HDAC9: variants seen among roughly 807,000 people sequenced by gnomAD.
HDAC9 encodes the protein histone deacetylase 9, also known as MEF-2 interacting transcription repressor (MITR) protein.
In HDAC9, 41 loss-of-function variants were observed where a neutral mutation model predicts 139.4. The ratio of observed to expected loss-of-function variants is 0.29; its 90% CI spans 0.23 to 0.38. The LOEUF (loss-of-function observed/expected upper bound fraction) is 0.38. Ranked by LOEUF, HDAC9 falls within the 10% of genes least tolerant of loss-of-function variation. The probability of loss-of-function intolerance (pLI) is 1.00; values close to 1 mark genes in which losing one functional copy is unlikely to be tolerated. For synonymous variants in HDAC9, 517 were observed against 476.2 expected, an observed-to-expected ratio of 1.09 and a Z score of -1.12; for missense variants, 1,147 against 1,297.0, an observed-to-expected ratio of 0.88 and a Z score of 1.78.
intron 2 of HDAC9, among the ~76,000 whole-genome samples, chr7:18,518,816 G>T (rs1400632535): frequency 6.6e-6 from 1 of 152,190 alleles, no homozygotes; most frequent in Non-Finnish European, 1.5e-5. Flanking sequence ...ATTTTGGAAA[G>T]CATACCTTAA....
At chr7:18,208,749 C>G (rs1791728267) in intron 2 of HDAC9, among the ~76,000 whole-genome samples, 2 of 152,020 alleles carry the variant, frequency 1.3e-5, no homozygotes, top group Admixed American at 6.6e-5. Flanking sequence ...AAAATTTTAT[C>G]TAGCTGTCAA....
chr7:18,512,141 C>T (rs1482286221), intron 2 of HDAC9, among the ~76,000 whole-genome samples: 1 of 151,922 alleles, frequency 6.6e-6, no homozygotes, highest in Non-Finnish European at 1.5e-5. Flanking sequence ...GTATTGTTGA[C>T]CAAAACCCAT....
At chr7:18,794,994 G>A (rs904850691) in intron 17 of HDAC9, among the ~76,000 whole-genome samples, 2 of 152,046 alleles carry the variant, frequency 1.3e-5, no homozygotes, top group Admixed American at 1.3e-4. Context: ...GTCATCAGAA[G>A]CATCATTATT....
At chr7:18,472,113 T>C (rs1345357747) in intron 1 of HDAC9, among the ~76,000 whole-genome samples, 1 of 152,226 alleles carries the variant, frequency 6.6e-6, no homozygotes, top group Admixed American at 6.5e-5. Context: ...GGAGCCTTGC[T>C]TTAGCTGCCT....
At chr7:18,989,403 G>A (rs937304499) in intron 25 of HDAC9, among the ~76,000 whole-genome samples, 1 of 152,104 alleles carries the variant, frequency 6.6e-6, no homozygotes, top group African/African-American at 2.4e-5. Context: ...CTGGCTTGTA[G>A]AGTTTCTGCC....
chr7:18,336,974 C>G (rs553151762), intron 1 of HDAC9, among the ~76,000 whole-genome samples: 39 of 151,598 alleles, frequency 2.6e-4, no homozygotes, highest in African/African-American at 9.4e-4. Context: ...GTAAAATGAG[C>G]TCTGCTTGTG....
At chr7:18,303,425 T>TGTGTGTGTGTG (rs1554364291) in intron 1 of HDAC9, among the ~76,000 whole-genome samples, 22 of 69,192 alleles carry the variant, frequency 3.2e-4, no homozygotes, top group Admixed American at 1.3e-3. Flanking sequence ...GTGTGTGTGT[T>TGTGTGTGTGTG]TTTAGTAGAG....
intron 1 of HDAC9, among the ~76,000 whole-genome samples, chr7:18,296,515 T>C (rs1453536066): frequency 6.6e-6 from 1 of 152,130 alleles, no homozygotes; most frequent in Non-Finnish European, 1.5e-5. Flanking sequence ...CAATAAAACC[T>C]CCTTTGTGAA....
At chr7:18,670,949 C>T (rs948210960) in intron 12 of HDAC9, among the ~76,000 whole-genome samples, 3 of 150,780 alleles carry the variant, frequency 2.0e-5, no homozygotes, top group African/African-American at 7.3e-5. Flanking sequence ...CATTTTTAAT[C>T]GTGAAAATCT....
At chr7:18,873,509 A>C (rs1421778769) in intron 21 of HDAC9, among the ~76,000 whole-genome samples, 2 of 152,186 alleles carry the variant, frequency 1.3e-5, no homozygotes, top group African/African-American at 4.8e-5. Context: ...ATACGTAATC[A>C]TTGTAGAAAA....
At chr7:18,629,252 A>C (rs1464343060) in intron 6 of HDAC9, 98 bp from the exon 7 acceptor site, 2 of 1,178,034 alleles carry the variant, frequency 1.7e-6, no homozygotes, top group African/African-American at 3.1e-5. Context: ...GAATGGACCA[A>C]GAAAAGGGTG....
At chr7:18,509,226 A>G in intron 2 of HDAC9, 1 of 971,066 alleles carries the variant, frequency 1.0e-6, no homozygotes, top group Non-Finnish European at 1.2e-6. Context: ...GGTCTAAGTC[A>G]AAGCACAATT....
intron 2 of HDAC9, among the ~76,000 whole-genome samples, chr7:18,229,605 T>C (rs1036529558): frequency 6.6e-6 from 1 of 152,152 alleles, no homozygotes; most frequent in Admixed American, 6.5e-5. Flanking sequence ...CTTTCAACTA[T>C]GCACAAAAAT....
At chr7:18,634,577 A>G (rs759762183) in intron 7 of HDAC9, 50 bp from the exon 8 acceptor site, 11 of 1,121,376 alleles carry the variant, frequency 9.8e-6, no homozygotes, top group South Asian at 7.0e-5. Context: ...ACTAAAGTTC[A>G]TCTATGTATG....
chr7:18,284,642 T>C (rs775538656), intron 2 of HDAC9, among the ~76,000 whole-genome samples: 7 of 152,126 alleles, frequency 4.6e-5, no homozygotes, highest in Non-Finnish European at 7.4e-5. Context: ...TTGGCCGATT[T>C]ATCTAATCTT....
At chr7:18,490,433 C>T (rs1369039249) in intron 1 of HDAC9, among the ~76,000 whole-genome samples, 2 of 151,986 alleles carry the variant, frequency 1.3e-5, no homozygotes, top group Admixed American at 6.6e-5. Context: ...TTTTTGTTGT[C>T]GTTGATTTGT....
chr7:18,888,697 A>G (rs1468935702), intron 22 of HDAC9, among the ~76,000 whole-genome samples: 1 of 152,156 alleles, frequency 6.6e-6, no homozygotes, highest in Non-Finnish European at 1.5e-5. Context: ...ATCTCTTTAC[A>G]TGGTTAATGT....
At chr7:18,766,422 T>C (rs912392389) in intron 15 of HDAC9, among the ~76,000 whole-genome samples, 2 of 152,164 alleles carry the variant, frequency 1.3e-5, no homozygotes, top group Non-Finnish European at 2.9e-5. Context: ...ACAATTCAGT[T>C]TTGGGAATAT....
chr7:18,823,088 G>T (rs1010015928), intron 17 of HDAC9, among the ~76,000 whole-genome samples: 10 of 152,318 alleles, frequency 6.6e-5, no homozygotes, highest in Admixed American at 5.9e-4. Context: ...GGAAAGCTGT[G>T]AGTGAGATGT....
Sources: allele counts gnomAD v4.1 joint callset (sites outside exome capture counted in the v4.1 genomes callset), GRCh38; gene constraint gnomAD v4.1.1; transcripts MANE v1.5; gene names NCBI Gene and HGNC (gene_info 2026-07-23, HGNC 2026-07-21).